MEGF11: variants seen among roughly 807,000 people sequenced by gnomAD.
The protein encoded by MEGF11 is multiple EGF like domains 11.
In MEGF11, 126 loss-of-function variants were observed where a neutral mutation model predicts 146.6. That is an observed-to-expected ratio of 0.86 (90% confidence interval 0.74 to 1.00). The LOEUF (loss-of-function observed/expected upper bound fraction) is 1.00, where lower values mean the gene tolerates loss of function less well. MEGF11 is among the 50% of genes least tolerant of loss of function. The pLI, the probability that MEGF11 is intolerant of heterozygous loss-of-function variation, is 0.00. For synonymous variants in MEGF11, 532 were observed against 583.4 expected (o/e 0.91, Z 1.27); for missense variants, 1,509 against 1,521.2 (o/e 0.99, Z 0.13).
rs66595752 is a variant in MEGF11, at chr15:66,150,823, C to CGAGAGAGAGA, written c.-8-22422_-8-22413dup. 1.7e-3 allele frequency among the ~76,000 whole-genome samples: 179 copies of CGAGAGAGAGA among 104,338 alleles called. 3 individuals carry two copies. The highest frequency in any genetic ancestry group is 6.3e-3 in the African/African-American group (162 of 25,766). The allele number at this position is 104,338 out of a possible 152,430, so 68.4% of individuals were successfully genotyped here. ...CCTGGGCAATAGAGCAATGCCCTGT[C>CGAGAGAGAGA]GAGAGAGAGAGAGAGAGAGAGAGAG... On this transcript the variant is annotated intron_variant, in intron 1 of 25. Transcript: ENST00000395614.
At chr15:65,934,862 C>CTT (rs1567164981) in intron 10 of MEGF11, among the ~76,000 whole-genome samples, 1 of 152,222 alleles carries the variant, frequency 6.6e-6, no homozygotes, top group African/African-American at 2.4e-5. Flanking sequence ...CTCCATACCC[C>CTT]TTCCCACATG....
chr15:66,207,855 G>T (rs1394826463), intron 1 of MEGF11, among the ~76,000 whole-genome samples: 1 of 152,158 alleles, frequency 6.6e-6, no homozygotes, highest in African/African-American at 2.4e-5. Flanking sequence ...GGCCAAGGCG[G>T]GTGGATCATC....
At chr15:65,970,788 T>C in intron 7 of MEGF11, 99 bp from the exon 8 acceptor site, 1 of 1,385,694 alleles carries the variant, frequency 7.2e-7, no homozygotes, top group Non-Finnish European at 9.8e-7. Flanking sequence ...CCACCCAACT[T>C]CCCAGAAGAA....
rs146829661 is a variant in MEGF11, at chr15:66,141,111, A to T, written c.-8-12700T>A. On this transcript the variant is annotated intron_variant, in intron 1 of 25. Coordinates refer to ENST00000395614, the MANE Select transcript of MEGF11 (RefSeq NM_001385028.1). The stretch of plus-strand genomic sequence containing the variant: ...CTTCCAGTAACTCCATCAAGTAGGC[A>T]TTATGATCTCCTCTTGCAGGTGGCG... 7.2e-5 allele frequency among the ~76,000 whole-genome samples: 11 copies of T among 152,158 alleles called. No individual in the cohort carries two copies. The East Asian group carries it at 2.1e-3, about 29-fold the overall frequency.
intron 5 of MEGF11, among the ~76,000 whole-genome samples, chr15:66,043,642 C>T (rs1245046648): frequency 6.6e-6 from 1 of 152,226 alleles, no homozygotes; most frequent in Admixed American, 6.5e-5. Context: ...GAAGAACTGG[C>T]CCTGCTGAGA....
intron 5 of MEGF11, among the ~76,000 whole-genome samples, chr15:65,986,424 A>G (rs2081859109): frequency 6.6e-6 from 1 of 152,226 alleles, no homozygotes; most frequent in Admixed American, 6.5e-5. Flanking sequence ...TCAATTTAGA[A>G]TATTCTGATT....
At chr15:65,900,872 T>G (rs1465460022) in intron 24 of MEGF11, among the ~76,000 whole-genome samples, 1 of 152,232 alleles carries the variant, frequency 6.6e-6, no homozygotes, top group African/African-American at 2.4e-5. Context: ...CTGAACGATC[T>G]CAGCTAGCAC....
chr15:66,046,309 G>A (rs167997), intron 5 of MEGF11, among the ~76,000 whole-genome samples: 147,616 of 152,274 alleles, frequency 0.97, 71,614 homozygotes, highest in Middle Eastern at 1. Context: ...ATCGCCATCT[G>A]GACTATCCAA....
At chr15:66,072,319 C>G (rs1246942169) in intron 5 of MEGF11, among the ~76,000 whole-genome samples, 4 of 152,202 alleles carry the variant, frequency 2.6e-5, no homozygotes, top group African/African-American at 7.2e-5. Context: ...TCCTTGCATT[C>G]AAGTCTTGGC....
chr15:66,082,466 A>ATTCT (rs771903283), intron 5 of MEGF11, among the ~76,000 whole-genome samples: 3 of 72,636 alleles, frequency 4.1e-5, no homozygotes, highest in Admixed American at 4.3e-4. Flanking sequence ...AAAAAAAAAA[A>ATTCT]ATCTATCTAT....
intron 1 of MEGF11, among the ~76,000 whole-genome samples, chr15:66,133,157 G>T (rs183016995): frequency 6.6e-6 from 1 of 152,194 alleles, no homozygotes; most frequent in Admixed American, 6.5e-5. Context: ...CACCAATCTG[G>T]TGGCATCAGA....
intron 4 of MEGF11, 125 bp from the exon 5 acceptor site, chr15:66,094,619 T>C (rs1423404934): frequency 1.3e-6 from 1 of 748,130 alleles, no homozygotes; most frequent in African/African-American, 1.7e-5. Context: ...AACGCATGAC[T>C]GGCTTGGGGG....
intron 1 of MEGF11, among the ~76,000 whole-genome samples, chr15:66,130,387 T>C (rs914089367): frequency 6.6e-6 from 1 of 152,110 alleles, no homozygotes; most frequent in African/African-American, 2.4e-5. Flanking sequence ...CCCTGACTCA[T>C]TACTTGGGCC....
chr15:66,029,110 G>A (rs1454542832), intron 5 of MEGF11, among the ~76,000 whole-genome samples: 1 of 152,168 alleles, frequency 6.6e-6, no homozygotes, highest in East Asian at 1.9e-4. Flanking sequence ...GATTCTGGAT[G>A]GAGCTTAGCC....
At chr15:66,152,124 C>G (rs1026674) in intron 1 of MEGF11, among the ~76,000 whole-genome samples, 3,684 of 152,274 alleles carry the variant, frequency 0.024, 147 homozygotes, top group African/African-American at 0.085. Flanking sequence ...TCTTCCAGCT[C>G]TCAGCCCCTC....
chr15:66,119,281 T>G, intron 3 of MEGF11, 95 bp from the exon 4 acceptor site: 1 of 838,808 alleles, frequency 1.2e-6, no homozygotes, highest in Non-Finnish European at 1.9e-6. Flanking sequence ...AGGATGCCAT[T>G]CAATAATTAC....
At chr15:66,111,413 T>C (rs2087397772) in intron 4 of MEGF11, among the ~76,000 whole-genome samples, 1 of 152,126 alleles carries the variant, frequency 6.6e-6, no homozygotes, top group African/African-American at 2.4e-5. Flanking sequence ...CAAAATACAG[T>C]AAAAATATGT....
At chr15:66,228,750 C>T (rs1042253768) in intron 1 of MEGF11, among the ~76,000 whole-genome samples, 5 of 152,230 alleles carry the variant, frequency 3.3e-5, no homozygotes, top group African/African-American at 1.2e-4. Context: ...TCCCTCTGCT[C>T]CAGGCCCAGG....
chr15:66,239,634 C>T (rs756665406), intron 1 of MEGF11, among the ~76,000 whole-genome samples: 1 of 152,224 alleles, frequency 6.6e-6, no homozygotes, highest in Non-Finnish European at 1.5e-5. Flanking sequence ...CCCAGCCTCC[C>T]CCAGGGTGAG....
Sources: allele counts gnomAD v4.1 joint callset (sites outside exome capture counted in the v4.1 genomes callset), GRCh38; gene constraint gnomAD v4.1.1; transcripts MANE v1.5; gene names NCBI Gene and HGNC (gene_info 2026-07-23, HGNC 2026-07-21).